The following SPON1 variants were observed in gnomAD, a reference collection of about 807,000 sequenced individuals.
SPON1 encodes spondin 1, also known as spondin-1.
Under a neutral mutation model 111.7 loss-of-function variants are expected in SPON1, and 52 were observed. The observed-to-expected ratio is 0.47, with a 90% CI of 0.37 to 0.59. The LOEUF (loss-of-function observed/expected upper bound fraction) is 0.59. Among genes scored for constraint, SPON1 ranks in the 20% least tolerant of loss-of-function variants. SPON1 has a pLI of 0.00. For synonymous variants in SPON1, 410 were observed against 395.8 expected (o/e 1.04, Z -0.43); for missense variants, 957 against 1,068.5 (o/e 0.90, Z 1.46).
chr11:14,127,998 G>T (rs928363833), intron 5 of SPON1, among the ~76,000 whole-genome samples: 11 of 152,296 alleles, frequency 7.2e-5, no homozygotes, highest in African/African-American at 2.6e-4. Context: ...TCACCCCCAT[G>T]ATCCAATCAC....
intron 4 of SPON1, 56 bp downstream of exon 4, chr11:14,075,474 C>T (rs1848910050): frequency 8.0e-6 from 10 of 1,250,408 alleles, no homozygotes; most frequent in African/African-American, 1.5e-5. Flanking sequence ...GCAGCTCCTC[C>T]TGCACGATCC....
chr11:14,195,334 C>T (rs1354088503), intron 6 of SPON1, among the ~76,000 whole-genome samples: 1 of 152,146 alleles, frequency 6.6e-6, no homozygotes, highest in Non-Finnish European at 1.5e-5. Context: ...AGGCTTTCAG[C>T]TCTCTGGCAA....
chr11:14,133,008 A>C (rs556206167), intron 5 of SPON1, among the ~76,000 whole-genome samples: 1 of 152,334 alleles, frequency 6.6e-6, no homozygotes, highest in African/African-American at 2.4e-5. Context: ...AATTTAACCA[A>C]GTTTACAAAG....
At chr11:14,088,747 T>C (rs1351124788) in intron 5 of SPON1, among the ~76,000 whole-genome samples, 2 of 152,134 alleles carry the variant, frequency 1.3e-5, no homozygotes, top group African/African-American at 2.4e-5. Context: ...GTTCCATTCT[T>C]GTCCTCACTT....
intron 5 of SPON1, among the ~76,000 whole-genome samples, chr11:14,130,882 T>G (rs1203971558): frequency 6.6e-6 from 1 of 151,726 alleles, no homozygotes; most frequent in Non-Finnish European, 1.5e-5. Flanking sequence ...AAAAATGCCT[T>G]CCTTTTCTCA....
Position 13,986,703 on chromosome 11 carries a change from T to C in SPON1, c.345+3750T>C, listed in dbSNP as rs554550941. On this transcript the variant is annotated intron_variant, in intron 2 of 15. Coordinates refer to ENST00000576479, the MANE Select transcript of SPON1 (RefSeq NM_006108.4). Reference sequence around the variant, plus strand: ...ACATTAGATATTTCTCCTAATGTTATCTCTCCCCTAGCCCCCGACCCCCCG... The same window carrying C: ...ACATTAGATATTTCTCCTAATGTTACCTCTCCCCTAGCCCCCGACCCCCCG... 7.9e-5 allele frequency among the ~76,000 whole-genome samples: 12 copies of C among 152,222 alleles called. No individual in the cohort carries two copies. In the South Asian group the frequency reaches 2.5e-3, roughly 32 times the overall value.
intron 5 of SPON1, among the ~76,000 whole-genome samples, chr11:14,124,515 C>G (rs1259443073): frequency 6.6e-6 from 1 of 152,120 alleles, no homozygotes; most frequent in African/African-American, 2.4e-5. Flanking sequence ...CCCTTCACAC[C>G]CCACCCTCCA....
At chr11:14,176,785 C>G (rs1412459055) in intron 6 of SPON1, among the ~76,000 whole-genome samples, 1 of 152,176 alleles carries the variant, frequency 6.6e-6, no homozygotes, top group Non-Finnish European at 1.5e-5. Context: ...GGGTTGGCTT[C>G]TGGATCCATC....
At chr11:14,159,177 G>T (rs1554930669) in intron 6 of SPON1, among the ~76,000 whole-genome samples, 1 of 152,040 alleles carries the variant, frequency 6.6e-6, no homozygotes, top group Non-Finnish European at 1.5e-5. Flanking sequence ...CCTCTAAGAT[G>T]TCATGAATTG....
chr11:14,024,857 G>T (rs2133805515), intron 2 of SPON1, among the ~76,000 whole-genome samples: 1 of 152,308 alleles, frequency 6.6e-6, no homozygotes, highest in African/African-American at 2.4e-5. Context: ...GAAGGTGCTG[G>T]CATAACAGCT....
intron 2 of SPON1, among the ~76,000 whole-genome samples, chr11:14,020,665 G>A (rs1395638798): frequency 6.6e-6 from 1 of 152,172 alleles, no homozygotes; most frequent in Non-Finnish European, 1.5e-5. Context: ...AAAGAGGGGT[G>A]ATTGATCTGA....
intron 6 of SPON1, among the ~76,000 whole-genome samples, chr11:14,139,758 G>C (rs1847631850): frequency 6.6e-6 from 1 of 150,976 alleles, no homozygotes; most frequent in Non-Finnish European, 1.5e-5. Context: ...GGGTGGTAGT[G>C]ACATAAAGAG....
At chr11:14,171,654 C>G (rs1848102324) in intron 6 of SPON1, among the ~76,000 whole-genome samples, 1 of 152,064 alleles carries the variant, frequency 6.6e-6, no homozygotes, top group Non-Finnish European at 1.5e-5. Flanking sequence ...CCTCTACACA[C>G]TGCTTTGAAT....
At position 13,969,586 on chromosome 11, in the gene SPON1, A is replaced by G. The variant is rs147074399; in HGVS notation, c.238+6444A>G. On this transcript the variant is annotated intron_variant, in intron 1 of 15. Coordinates refer to ENST00000576479, the MANE Select transcript of SPON1 (RefSeq NM_006108.4). ...AAAATGAAAACCCACTGGGGTATAC[A>G]TTCAGAATGAAAATGAAAGAAAATA... 5.0e-3 allele frequency among the ~76,000 whole-genome samples: 759 copies of G among 152,354 alleles called. 5 individuals carry two copies. The highest frequency in any genetic ancestry group is 0.024 in the Middle Eastern group (7 of 294).
At chr11:13,979,679 G>A (rs1202434464) in intron 1 of SPON1, among the ~76,000 whole-genome samples, 4 of 152,220 alleles carry the variant, frequency 2.6e-5, no homozygotes, top group Non-Finnish European at 5.9e-5. Flanking sequence ...CTTAGGCAGA[G>A]TAGGCTCCAG....
intron 5 of SPON1, among the ~76,000 whole-genome samples, chr11:14,122,202 T>A (rs932824431): frequency 6.6e-6 from 1 of 152,120 alleles, no homozygotes; most frequent in Non-Finnish European, 1.5e-5. Context: ...TGAGATGGAG[T>A]CTTGCTCTGT....
intron 6 of SPON1, among the ~76,000 whole-genome samples, chr11:14,194,594 A>C (rs1362841005): frequency 2.6e-5 from 4 of 151,890 alleles, no homozygotes; most frequent in Admixed American, 6.6e-5. Flanking sequence ...TGGTACAATA[A>C]AAGTGTGTAT....
chr11:14,036,464 A>G (rs574546790), intron 2 of SPON1, among the ~76,000 whole-genome samples: 21 of 152,296 alleles, frequency 1.4e-4, no homozygotes, highest in South Asian at 8.3e-4. Flanking sequence ...TCCGACTTGC[A>G]CAATTGGAGT....
At chr11:14,198,382 G>T (rs1056555974) in intron 6 of SPON1, among the ~76,000 whole-genome samples, 6 of 152,196 alleles carry the variant, frequency 3.9e-5, no homozygotes, top group Admixed American at 1.3e-4. Flanking sequence ...AAAGGTAGGT[G>T]CTCACCTGGG....
Sources: allele counts gnomAD v4.1 joint callset (sites outside exome capture counted in the v4.1 genomes callset), GRCh38; gene constraint gnomAD v4.1.1; transcripts MANE v1.5; gene names NCBI Gene and HGNC (gene_info 2026-07-23, HGNC 2026-07-21).